The following MAN2A1 variants were observed in gnomAD, a reference collection of about 807,000 sequenced individuals.
MAN2A1 encodes mannosidase alpha class 2A member 1, also known as alpha-mannosidase 2.
A neutral mutation model predicts 142.6 loss-of-function variants in MAN2A1; 76 were observed. The observed-to-expected ratio is 0.53, with a 90% CI of 0.44 to 0.65. MAN2A1 has a LOEUF of 0.65. MAN2A1 is among the 30% of genes least tolerant of loss of function. The pLI, the probability that MAN2A1 is intolerant of heterozygous loss-of-function variation, is 0.00. For synonymous variants in MAN2A1, 559 were observed against 473.2 expected, an observed-to-expected ratio of 1.18 and a Z score of -2.35; for missense variants, 1,311 against 1,365.1, an observed-to-expected ratio of 0.96 and a Z score of 0.62.
chr5:109,694,827 C>G (rs1253763127), intron 1 of MAN2A1, among the ~76,000 whole-genome samples: 5 of 152,132 alleles, frequency 3.3e-5, no homozygotes, highest in African/African-American at 1.2e-4. Flanking sequence ...TTTCATAAAT[C>G]TGTAAATCTT....
intron 4 of MAN2A1, among the ~76,000 whole-genome samples, chr5:109,743,140 G>A (rs1034252101): frequency 3.3e-5 from 5 of 152,012 alleles, no homozygotes; most frequent in Admixed American, 1.3e-4. Flanking sequence ...TTTCACTTTC[G>A]GGTCTATTCT....
At chr5:109,774,000 T>A (rs563667082) in intron 7 of MAN2A1, among the ~76,000 whole-genome samples, 2 of 152,322 alleles carry the variant, frequency 1.3e-5, no homozygotes, top group Non-Finnish European at 2.9e-5. Context: ...TCAGACTTTC[T>A]TAAATGATGC....
intron 16 of MAN2A1, 65 bp downstream of exon 16, chr5:109,823,902 A>G (rs918485711): frequency 1.4e-6 from 1 of 735,256 alleles, no homozygotes; most frequent in South Asian, 2.7e-5. Flanking sequence ...TGCTTTTCTT[A>G]TGCCATTCTT....
chr5:109,757,280 A>C (rs1318693060), intron 5 of MAN2A1, among the ~76,000 whole-genome samples: 1 of 152,192 alleles, frequency 6.6e-6, no homozygotes, highest in Non-Finnish European at 1.5e-5. Flanking sequence ...TTCACTTCAT[A>C]AACCTCCGTT....
intron 16 of MAN2A1, among the ~76,000 whole-genome samples, chr5:109,839,281 T>G (rs967389288): frequency 1.3e-5 from 2 of 152,232 alleles, no homozygotes; most frequent in Admixed American, 6.5e-5. Context: ...ACTATTTTGG[T>G]TAATGTAAGC....
intron 16 of MAN2A1, among the ~76,000 whole-genome samples, chr5:109,825,926 T>TG (rs1473477447): frequency 8.2e-6 from 1 of 121,574 alleles, no homozygotes; most frequent in Non-Finnish European, 1.7e-5. Flanking sequence ...TTTTTTTTTT[T>TG]GACAGAGTCT....
At chr5:109,771,459 C>G (rs1434921506) in intron 7 of MAN2A1, among the ~76,000 whole-genome samples, 1 of 152,136 alleles carries the variant, frequency 6.6e-6, no homozygotes, top group Non-Finnish European at 1.5e-5. Context: ...CTCACTGTGG[C>G]AGACATGAAG....
chr5:109,770,132 G>C (rs1037228735), intron 6 of MAN2A1, among the ~76,000 whole-genome samples: 1 of 152,134 alleles, frequency 6.6e-6, no homozygotes, highest in African/African-American at 2.4e-5. Context: ...TCTCTGCTAT[G>C]CTTAGATAGA....
At chr5:109,726,737 T>C (rs969662718) in intron 3 of MAN2A1, among the ~76,000 whole-genome samples, 1 of 152,204 alleles carries the variant, frequency 6.6e-6, no homozygotes, top group African/African-American at 2.4e-5. Context: ...AAAAAAACTT[T>C]TACTTATCAA....
chr5:109,868,130 T>C lies in MAN2A1; in HGVS notation c.*1132T>C, dbSNP rs1403353087. ...ACTGCAACTTGAAGCAAGGATTTTG[T>C]AAAATGCAAAATCCAGCTACTGTTT... On this transcript the variant is annotated 3_prime_UTR_variant, in exon 22 of 22. Transcript: ENST00000261483. The C allele has an allele frequency of 6.6e-6, 1 of 152,212 alleles. No individual in the cohort carries two copies. The highest frequency in any genetic ancestry group is 2.4e-5 in the African/African-American group (1 of 41,458). 9.4% of individuals were successfully genotyped at this position (152,212 alleles called of 1,614,324 possible).
At chr5:109,781,224 A>AG (rs559863369) in intron 8 of MAN2A1, among the ~76,000 whole-genome samples, 172 bp from the exon 9 acceptor site, 2 of 152,324 alleles carry the variant, frequency 1.3e-5, no homozygotes, top group South Asian at 4.1e-4. Flanking sequence ...AAGTAAAAAA[A>AG]AAGTCACTAT....
chr5:109,861,985 A>T (rs900270354), intron 20 of MAN2A1, among the ~76,000 whole-genome samples: 1 of 152,122 alleles, frequency 6.6e-6, no homozygotes, highest in African/African-American at 2.4e-5. Context: ...ATACAAACTT[A>T]TATATCACCT....
chr5:109,756,931 A>G (rs1270888447), intron 5 of MAN2A1, among the ~76,000 whole-genome samples: 4 of 152,186 alleles, frequency 2.6e-5, no homozygotes, highest in Admixed American at 6.5e-5. Context: ...CCAGCCCCCA[A>G]CATTGGACAC....
At chr5:109,854,374 T>G (rs1488154319) in intron 19 of MAN2A1, 4 of 152,178 alleles carry the variant, frequency 2.6e-5, no homozygotes, top group African/African-American at 9.6e-5. Context: ...AGTGTTGCTT[T>G]TAACCATATA....
At chr5:109,844,804 T>A (rs1755305407) in intron 17 of MAN2A1, among the ~76,000 whole-genome samples, 1 of 152,190 alleles carries the variant, frequency 6.6e-6, no homozygotes, top group African/African-American at 2.4e-5. Flanking sequence ...GTGTCCAAAT[T>A]TCTCTCTTCT....
rs1582890814 is a variant in MAN2A1 at position 109,781,299 on chromosome 5, A to T, written c.1375-97A>T. ...TATGTATTCATCTTAACTTGGAAAC[A>T]CATGTTAAATATTTATTATTAACTT... On this transcript the variant is annotated intron_variant, in intron 8 of 21. Coordinates refer to ENST00000261483, the MANE Select transcript of MAN2A1 (RefSeq NM_002372.4). 4 of 655,792 alleles carry T rather than the reference A, an allele frequency of 6.1e-6. No individual in the cohort carries two copies. The East Asian group carries it at 1.2e-4, about 20-fold the overall frequency. The allele number at this position is 655,792 out of a possible 1,614,324, so 40.6% of individuals were successfully genotyped here. A position where few individuals can be genotyped will look rare whatever the true frequency, so the allele number is the denominator to read the frequency against.
chr5:109,742,020 G>A (rs927218375), intron 4 of MAN2A1, among the ~76,000 whole-genome samples: 1 of 152,146 alleles, frequency 6.6e-6, no homozygotes, highest in Non-Finnish European at 1.5e-5. Context: ...TTGGCTAAAT[G>A]CAGTTAAATA....
At chr5:109,843,587 G>A (rs1271920511) in intron 17 of MAN2A1, among the ~76,000 whole-genome samples, 1 of 152,060 alleles carries the variant, frequency 6.6e-6, no homozygotes, top group East Asian at 1.9e-4. Flanking sequence ...CTCTATATGT[G>A]TGTGTGTGTA....
chr5:109,827,794 C>A (rs1048742117), intron 16 of MAN2A1, among the ~76,000 whole-genome samples: 22 of 152,228 alleles, frequency 1.4e-4, no homozygotes, highest in Middle Eastern at 3.4e-3. Context: ...TCTACAAGAT[C>A]AGAGCAGTTC....
Sources: allele counts gnomAD v4.1 joint callset (sites outside exome capture counted in the v4.1 genomes callset), GRCh38; gene constraint gnomAD v4.1.1; transcripts MANE v1.5; gene names NCBI Gene and HGNC (gene_info 2026-07-23, HGNC 2026-07-21).